Variants in MDN1 observed in about 807,000 individuals in gnomAD.
MDN1 encodes midasin AAA ATPase 1.
A neutral mutation model predicts 669.2 loss-of-function variants in MDN1; 266 were observed. The ratio of observed to expected loss-of-function variants is 0.40; its 90% CI spans 0.36 to 0.44. The LOEUF (loss-of-function observed/expected upper bound fraction) is 0.44. MDN1 is among the 20% of genes least tolerant of loss of function. MDN1 has a pLI of 1.00. For missense variants in MDN1, 5,940 were observed against 6,754.0 expected (o/e 0.88, Z 4.22); for synonymous variants, 2,385 against 2,457.1 (o/e 0.97, Z 0.87).
In MDN1 at chr6:89,751,504, T is replaced by C. The variant is rs777202611; in HGVS notation, c.3154A>G (p.Ile1052Val). 7 of 1,614,180 alleles carry C rather than the reference T, an allele frequency of 4.3e-6. No homozygotes were observed. In the South Asian group the frequency reaches 6.6e-5, roughly 15 times the overall value. Residue 1052 changes from isoleucine (I) to valine (V), a missense_variant, in exon 23 of 102, where the codon ATA (isoleucine) becomes GTA (valine). Coordinates refer to ENST00000369393, the MANE Select transcript of MDN1 (RefSeq NM_014611.3). The stretch of plus-strand genomic sequence containing the variant: ...GATGTCAGAATGTACGTCTCATCTA[T>C]TGTAGGCTCCTTGTCTCCCACCGCA... ...WIAVGDKEPTIDETYILTSSV... is the reference protein window; with the variant it reads ...WIAVGDKEPTVDETYILTSSV...
chr6:89,753,640 A>G lies in MDN1; in HGVS notation c.2965-18T>C. 2 of 1,553,646 alleles carry G rather than the reference A, an allele frequency of 1.3e-6. No individual in the cohort carries two copies. Among genetic ancestry groups the G allele is most frequent in the Non-Finnish European group, 1.8e-6 (2 of 1,125,084 alleles). ...CAAAAACCCTAGAAAGAAAAGACAA[A>G]TATGCATAATGCTAAATAACCTTCT... On this transcript the variant is annotated intron_variant, in intron 21 of 101. Coordinates refer to ENST00000369393, the MANE Select transcript of MDN1 (RefSeq NM_014611.3).
chr6:89,683,831 CTG>C lies in MDN1; in HGVS notation c.11901_11902del (p.His3967GlnfsTer5). The C allele has an allele frequency of 6.2e-7, 1 of 1,611,768 alleles. No homozygotes were observed. Among genetic ancestry groups the C allele is most frequent in the Admixed American group, 1.7e-5 (1 of 59,930 alleles). On this transcript the variant is annotated frameshift_variant and splice_region_variant, in exon 72 of 102. Coordinates refer to ENST00000369393, the MANE Select transcript of MDN1 (RefSeq NM_014611.3). LOFTEE classifies it high-confidence loss of function. ...TCTCCAGTTTTAAAAGATGGATTAC[CTG>C]TGTGTCTTTTCTACAGATTGCTTAA...
Position 89,776,646 on chromosome 6 carries a change from T to G in MDN1, c.1775A>C (p.Lys592Thr), listed in dbSNP as rs142309513. 3.7e-5 allele frequency: 59 copies of G among 1,613,630 alleles called. No individual in the cohort carries two copies. In the African/African-American group the frequency reaches 7.3e-4, roughly 20 times the overall value. The change falls in exon 12 of 102, where the codon AAA (lysine) becomes ACA (threonine). Residue 592 changes from lysine to threonine, a missense_variant. Lys to Thr is a moderately conservative substitution (Grantham distance 78, BLOSUM62 -1). Coordinates refer to ENST00000369393, the MANE Select transcript of MDN1 (RefSeq NM_014611.3). ...AMLSEHTSKL[K>T]MAEVIGSKLN... ...TTTGCTTCCAATAACTTCTGCCATT[T>G]TCAGTTTGCTTGTATGCTCAGAAAG...
chr6:89,646,425 T>G, intron 100 of MDN1, 115 bp downstream of exon 100: 2 of 838,568 alleles, frequency 2.4e-6, no homozygotes, highest in East Asian at 5.0e-5. Context: ...TGTCTTTTCC[T>G]GTGGAGCATA....
At chr6:89,780,063 C>A in intron 11 of MDN1, 149 bp downstream of exon 11, 2 of 509,882 alleles carry the variant, frequency 3.9e-6, no homozygotes, top group South Asian at 6.7e-5. Flanking sequence ...CGAGAGACTT[C>A]GTCTCAAAAA....
intron 1 of MDN1, among the ~76,000 whole-genome samples, chr6:89,809,638 T>C (rs1768247578): frequency 6.6e-6 from 1 of 151,792 alleles, no homozygotes; most frequent in Non-Finnish European, 1.5e-5. Flanking sequence ...TAGCCGGGCA[T>C]TATGGCATAT....
chr6:89,731,387 A>G (rs1478841288), intron 34 of MDN1, among the ~76,000 whole-genome samples: 1 of 152,196 alleles, frequency 6.6e-6, no homozygotes, highest in Non-Finnish European at 1.5e-5. Context: ...GATAGACTGG[A>G]TAAAGAAAAT....
intron 20 of MDN1, among the ~76,000 whole-genome samples, chr6:89,756,036 AT>A (rs1817227073): frequency 6.6e-6 from 1 of 152,224 alleles, no homozygotes; most frequent in African/African-American, 2.4e-5. Flanking sequence ...TCAGGAGAGC[AT>A]TATCTGATGG....
intron 93 of MDN1, among the ~76,000 whole-genome samples, chr6:89,653,923 T>A (rs1040682885): frequency 6.6e-6 from 1 of 152,220 alleles, no homozygotes; most frequent in African/African-American, 2.4e-5. Context: ...CTGATGAGAT[T>A]TTGCCAGAAA....
intron 55 of MDN1, 41 bp downstream of exon 55, chr6:89,701,517 T>C: frequency 6.2e-7 from 1 of 1,608,338 alleles, no homozygotes; most frequent in Non-Finnish European, 8.5e-7. Flanking sequence ...TCAGAAGTAG[T>C]AGTCACATTT....
chr6:89,693,836 G>T (rs796293124), intron 62 of MDN1, among the ~76,000 whole-genome samples: 9 of 152,176 alleles, frequency 5.9e-5, no homozygotes, highest in African/African-American at 2.2e-4. Context: ...CTTCTTCTAT[G>T]CTGAGACTAA....
intron 31 of MDN1, among the ~76,000 whole-genome samples, chr6:89,740,891 AG>A (rs533171420): frequency 1.1e-3 from 165 of 152,348 alleles, no homozygotes; most frequent in Non-Finnish European, 2.0e-3. Flanking sequence ...TCAGAAATTT[AG>A]TGTAATGCAC....
At chr6:89,649,210 A>G (rs1200153392) in intron 97 of MDN1, among the ~76,000 whole-genome samples, 1 of 152,224 alleles carries the variant, frequency 6.6e-6, no homozygotes, top group African/African-American at 2.4e-5. Context: ...CAGCAAACTG[A>G]GTGTTCTACA....
intron 33 of MDN1, among the ~76,000 whole-genome samples, chr6:89,734,652 A>G (rs1815807215): frequency 7.1e-6 from 1 of 140,612 alleles, no homozygotes; most frequent in Non-Finnish European, 1.5e-5. Flanking sequence ...AGAGCCAGAC[A>G]TTGTCTCAAA....
chr6:89,738,514 C>G, intron 32 of MDN1, 59 bp from the exon 33 acceptor site: 1 of 1,588,228 alleles, frequency 6.3e-7, no homozygotes, highest in Non-Finnish European at 8.6e-7. Flanking sequence ...AGCTGGAAAA[C>G]AAGTCTTGAA....
chr6:89,712,008 A>G, intron 49 of MDN1, 28 bp downstream of exon 49: 1 of 1,565,350 alleles, frequency 6.4e-7, no homozygotes, highest in Non-Finnish European at 8.8e-7. Flanking sequence ...AAATCACATC[A>G]GTGGACAAAT....
At chr6:89,804,543 T>C (rs1020604059) in intron 1 of MDN1, among the ~76,000 whole-genome samples, 2 of 152,152 alleles carry the variant, frequency 1.3e-5, no homozygotes, top group African/African-American at 4.8e-5. Context: ...CTTTAACTCT[T>C]GAAGAAAAAA....
At position 89,750,434 on chromosome 6, in the gene MDN1, T is replaced by A. The variant is rs768135903; in HGVS notation, c.3326A>T (p.Asn1109Ile). The A allele has an allele frequency of 6.2e-7, 1 of 1,614,102 alleles. No individual in the cohort carries two copies. The highest frequency in any genetic ancestry group is 8.5e-7 in the Non-Finnish European group (1 of 1,179,948). ...AATGNHCVRINNHEHTDIQEY... is the reference protein window; with the variant it reads ...AATGNHCVRIINHEHTDIQEY... Reference sequence around the variant, plus strand: ...CTGAATATCCGTGTGTTCGTGATTATTAATACGCACACAGTGGTTGCCAGT... The same window carrying A: ...CTGAATATCCGTGTGTTCGTGATTAATAATACGCACACAGTGGTTGCCAGT... Residue 1109 changes from asparagine to isoleucine, a missense_variant, in exon 24 of 102, where the codon AAT becomes ATT. Physicochemically the swap from Asn to Ile is moderately radical, Grantham distance 149. Around this residue, in one of 5 missense-constraint regions of MDN1, gnomAD observed 2,292 missense variants for 2,638.3 expected, o/e 0.87. Coordinates refer to ENST00000369393, the MANE Select transcript of MDN1 (RefSeq NM_014611.3).
intron 32 of MDN1, among the ~76,000 whole-genome samples, chr6:89,739,890 A>T (rs915419262): frequency 6.6e-6 from 1 of 152,224 alleles, no homozygotes; most frequent in Non-Finnish European, 1.5e-5. Context: ...GGTTAAACTT[A>T]AATTTCAGAT....
Sources: gnomAD v4.1 joint callset for allele counts (sites outside exome capture counted in the v4.1 genomes callset) on GRCh38, gnomAD v4.1.1 for gene constraint, gnomAD v4.1.1 regional missense constraint, MANE v1.5 for transcripts, NCBI Gene and HGNC (gene_info 2026-07-23, HGNC 2026-07-21) for gene names.